The following TPM2 variants were observed in gnomAD, a reference collection of about 807,000 sequenced individuals.
TPM2 encodes tropomyosin 2, also known as tropomyosin beta chain.
Under a neutral mutation model 41.0 loss-of-function variants are expected in TPM2, and 26 were observed. The observed-to-expected ratio is 0.63, with a 90% CI of 0.46 to 0.88. The LOEUF is 0.88. Among genes scored for constraint, TPM2 ranks in the 40% least tolerant of loss-of-function variants. The pLI, the probability that TPM2 is intolerant of heterozygous loss-of-function variation, is 0.00. For missense variants in TPM2, 187 were observed against 355.2 expected (o/e 0.53, Z 3.81); for synonymous variants, 143 against 139.3 (o/e 1.03, Z -0.19).
chr9:35,683,513 T>C (rs1049669561), intron 8 of TPM2, among the ~76,000 whole-genome samples: 5 of 152,080 alleles, frequency 3.3e-5, no homozygotes, highest in Admixed American at 6.5e-5. Context: ...TGTACAATGC[T>C]CTCGACAAGC....
chr9:35,682,380 T>C (rs541340604), downstream of TPM2: 7 of 1,032,360 alleles, frequency 6.8e-6, no homozygotes, highest in Admixed American at 2.4e-5. Context: ...CTTGGGGTCA[T>C]AGAGGTGGGG....
Position 35,685,638 on chromosome 9 carries a change from C to A in TPM2, c.374+9G>T. ...CTCCCGGACCATCCTCCCCGAGGCC[C>A]CTGACCACCTCTCGCTCTCATCAGC... On this transcript the variant is annotated intron_variant, in intron 3 of 8. Coordinates refer to ENST00000645482, the MANE Select transcript of TPM2 (RefSeq NM_003289.4). The surrounding 1 kb of genome is among the most constrained non-coding windows in gnomAD (Gnocchi z 5.0). 1 of 1,614,162 alleles carries A rather than the reference C, an allele frequency of 6.2e-7. No individual in the cohort carries two copies. Among genetic ancestry groups the A allele is most frequent in the South Asian group, 1.1e-5 (1 of 91,082 alleles).
intron 2 of TPM2, among the ~76,000 whole-genome samples, chr9:35,687,491 T>C (rs576437337): frequency 1.7e-4 from 26 of 152,094 alleles, no homozygotes; most frequent in Middle Eastern, 6.8e-3. Flanking sequence ...GGGGCAGCAC[T>C]TGGACACAGC....
intron 2 of TPM2, among the ~76,000 whole-genome samples, chr9:35,686,636 C>CA (rs11408936): frequency 0.92 from 96,026 of 104,316 alleles, 44,318 homozygotes; most frequent in Middle Eastern, 0.97. Flanking sequence ...GATCCCATCT[C>CA]AAAAAAAAAA....
chr9:35,689,547 G>T, intron 1 of TPM2, 157 bp downstream of exon 1: 1 of 878,484 alleles, frequency 1.1e-6, no homozygotes, highest in Non-Finnish European at 1.4e-6. Flanking sequence ...GAGAGAAGCG[G>T]CTCTGGCGAA....
intron 1 of TPM2, 88 bp downstream of exon 1, chr9:35,689,616 G>A: frequency 1.9e-6 from 3 of 1,595,272 alleles, no homozygotes; most frequent in Non-Finnish European, 8.5e-7. Context: ...AGCCTTGGCG[G>A]GCAGGCCCGG....
At chr9:35,682,147 G>A, downstream of TPM2, 1 of 1,614,162 alleles carries the variant, frequency 6.2e-7, no homozygotes, top group Non-Finnish European at 8.5e-7. Context: ...TCTCCTCCTT[G>A]GCACTGGCCA....
rs1554658504 is a variant in TPM2 at position 35,683,250 on chromosome 9, G to GGC, written c.773-10_773-9insGC. 2.3e-5 allele frequency: 35 copies of GGC among 1,550,062 alleles called. No individual in the cohort carries two copies. The Middle Eastern group carries it at 5.0e-4, about 22-fold the overall frequency. ...CTGGGCATAGACTTCATCTGGGGGG[G>GGC]GTCCAGGGAGGGGACCAGGTGGGAG... On this transcript the variant is annotated splice_polypyrimidine_tract_variant and intron_variant, in intron 8 of 8. Coordinates refer to ENST00000645482, the MANE Select transcript of TPM2 (RefSeq NM_003289.4).
chr9:35,687,886 C>T (rs1170400710), intron 2 of TPM2, among the ~76,000 whole-genome samples: 1 of 152,098 alleles, frequency 6.6e-6, no homozygotes, highest in Non-Finnish European at 1.5e-5. Flanking sequence ...TCTCTAACCA[C>T]AGGACAGGCA....
chr9:35,685,858 G>C lies in TPM2; in HGVS notation c.241-78C>G. 1 of 1,607,892 alleles carries C rather than the reference G, an allele frequency of 6.2e-7. No homozygotes were observed. Among genetic ancestry groups the C allele is most frequent in the East Asian group, 2.2e-5 (1 of 44,860 alleles). On this transcript the variant is annotated intron_variant, in intron 2 of 8. Transcript: ENST00000645482. The surrounding 1 kb of genome is among the most constrained non-coding windows in gnomAD (Gnocchi z 5.0). ...TCAGAGAGGCTCCAGAGGATGGCGA[G>C]ATTCTTCTCAGAAAGAACTGAGGCT...
At position 35,683,000 on chromosome 9, in the gene TPM2, A is replaced by G; in HGVS notation, c.*159T>C. On this transcript the variant is annotated 3_prime_UTR_variant, in exon 9 of 9. Transcript: ENST00000645482. ...ATAGGTAAAGGATGAAGCCAGTGCC[A>G]GAGTGGGTGGTGGGCATGATGGGGG... 6.5e-7 allele frequency: 1 copy of G among 1,539,558 alleles called. No individual in the cohort carries two copies. Among genetic ancestry groups the G allele is most frequent in the Non-Finnish European group, 8.8e-7 (1 of 1,140,406 alleles).
chr9:35,684,820 T>TGG lies in TPM2; in HGVS notation c.564-14_564-13insCC. On this transcript the variant is annotated splice_polypyrimidine_tract_variant and intron_variant, in intron 5 of 8. Coordinates refer to ENST00000645482, the MANE Select transcript of TPM2 (RefSeq NM_003289.4). ...GTCCCCACATTTACTGCAGGGGGTGTGTGGCGGGGGGGGCAGGGTGTGAGG... is the reference window on the plus strand; with the variant it reads ...GTCCCCACATTTACTGCAGGGGGTGTGGGTGGCGGGGGGGGCAGGGTGTGAGG... The TGG allele has an allele frequency of 6.5e-7, 1 of 1,533,198 alleles. No individual in the cohort carries two copies. Among genetic ancestry groups the TGG allele is most frequent in the Admixed American group, 1.9e-5 (1 of 51,854 alleles). The allele number at this position is 1,533,198 out of a possible 1,614,324, so 95.0% of individuals were successfully genotyped here.
Position 35,689,278 on chromosome 9 carries a change from C to A in TPM2, c.115-7G>T. 6.2e-7 allele frequency: 1 copy of A among 1,614,036 alleles called. No individual in the cohort carries two copies. Among genetic ancestry groups the A allele is most frequent in the Non-Finnish European group, 8.5e-7 (1 of 1,179,918 alleles). On this transcript the variant is annotated splice_polypyrimidine_tract_variant and splice_region_variant and intron_variant, in intron 1 of 8. Coordinates refer to ENST00000645482, the MANE Select transcript of TPM2 (RefSeq NM_003289.4). ...CCTGCTGCTCCTCCTCCAGCTGGGA[C>A]AGAGGGGACTTGGTCAGCCAGGCTG...
intron 1 of TPM2, 145 bp downstream of exon 1, chr9:35,689,559 G>T: frequency 6.9e-7 from 1 of 1,459,390 alleles, no homozygotes; most frequent in African/African-American, 1.4e-5. Flanking sequence ...TCTGGCGAAG[G>T]CCCTGAGGGT....
At chr9:35,690,033 G>T (rs1368059058), upstream of TPM2, 5 of 1,378,484 alleles carry the variant, frequency 3.6e-6, no homozygotes, top group Middle Eastern at 2.7e-4. Flanking sequence ...GCAGAAGCAC[G>T]GCCCGGCCGG....
chr9:35,688,421 C>T (rs1325836689), intron 2 of TPM2, among the ~76,000 whole-genome samples: 4 of 152,342 alleles, frequency 2.6e-5, no homozygotes, highest in Admixed American at 2.0e-4. Flanking sequence ...AGCCATATGG[C>T]CATTCTCCTA....
Position 35,685,333 on chromosome 9 carries a change from T to C in TPM2, c.499A>G (p.Arg167Gly), listed in dbSNP as rs1233457461. Residue 167 changes from arginine to glycine, a missense_variant, in exon 5 of 9, where the codon AGG becomes GGG. Physicochemically the swap from Arg to Gly is moderately radical, Grantham distance 125 (BLOSUM62 -2). Transcript: ENST00000645482. This position sits in a 1 kb window ranked among gnomAD's most constrained non-coding sequence, Gnocchi z 5.0. ...DSDRKYEEVA[R>G]KLVILEGELE... Reference sequence around the variant, plus strand: ...TCTCCTTCCAGGATCACCAGCTTCCTGGCCACCTGTGGGGAGTGAGAAAGA... The same window carrying C: ...TCTCCTTCCAGGATCACCAGCTTCCCGGCCACCTGTGGGGAGTGAGAAAGA... 1 of 1,614,048 alleles carries C rather than the reference T, an allele frequency of 6.2e-7. No individual in the cohort carries two copies. Among genetic ancestry groups the C allele is most frequent in the Non-Finnish European group, 8.5e-7 (1 of 1,180,022 alleles).
At position 35,685,786 on chromosome 9, in the gene TPM2, G is replaced by C. The variant is rs552375359; in HGVS notation, c.241-6C>G. Reference sequence around the variant, plus strand: ...GAGGCCACATCTGCCTCAGCCTGTGGGTCAGAGGTCAGGGGTCAAAAAGGC... The same window carrying C: ...GAGGCCACATCTGCCTCAGCCTGTGCGTCAGAGGTCAGGGGTCAAAAAGGC... On this transcript the variant is annotated splice_region_variant and splice_polypyrimidine_tract_variant and intron_variant, in intron 2 of 8. Transcript: ENST00000645482. The surrounding 1 kb of genome is among the most constrained non-coding windows in gnomAD (Gnocchi z 5.0). 3.1e-6 allele frequency: 5 copies of C among 1,613,928 alleles called. No homozygotes were observed. The African/African-American group carries it at 6.7e-5, about 22-fold the overall frequency.
chr9:35,689,853 G>A lies in TPM2; in HGVS notation c.-36C>T, dbSNP rs1159628328. The A allele has an allele frequency of 6.2e-7, 1 of 1,612,742 alleles. No homozygotes were observed. Among genetic ancestry groups the A allele is most frequent in the Non-Finnish European group, 8.5e-7 (1 of 1,179,312 alleles). On this transcript the variant is annotated 5_prime_UTR_variant, in exon 1 of 9. Transcript: ENST00000645482. The stretch of plus-strand genomic sequence containing the variant: ...GGGGGTGGGCCGGCCGGCAGGCGGT[G>A]AGGACCGGACGGACTGGGCTGGGTG...
Sources: allele counts gnomAD v4.1 joint callset (sites outside exome capture counted in the v4.1 genomes callset), GRCh38; gene constraint gnomAD v4.1.1; non-coding constraint Gnocchi (gnomAD v3.1); transcripts MANE v1.5; gene names NCBI Gene and HGNC (gene_info 2026-07-23, HGNC 2026-07-21).